OLFM3: variants seen among roughly 807,000 people sequenced by gnomAD.
OLFM3 encodes the protein noelin-3.
In OLFM3, 20 loss-of-function variants were observed where a neutral mutation model predicts 48.6. The observed-to-expected ratio is 0.41, with a 90% CI of 0.29 to 0.60. OLFM3 has a LOEUF of 0.60. OLFM3 is among the 20% of genes least tolerant of loss of function. The probability of loss-of-function intolerance (pLI) is 0.28; values close to 1 mark genes in which losing one functional copy is unlikely to be tolerated. For synonymous variants in OLFM3, 222 were observed against 198.1 expected (o/e 1.12, Z -1.01); for missense variants, 437 against 544.3 (o/e 0.80, Z 1.96).
At chr1:101,820,190 C>T (rs1654541488) in intron 4 of OLFM3, among the ~76,000 whole-genome samples, 1 of 152,052 alleles carries the variant, frequency 6.6e-6, no homozygotes, top group Admixed American at 6.6e-5. Flanking sequence ...ACTCAAGTCT[C>T]TACTTGTGAC....
chr1:101,840,501 C>A (rs193181029), intron 1 of OLFM3, among the ~76,000 whole-genome samples: 4 of 146,322 alleles, frequency 2.7e-5, no homozygotes, highest in Admixed American at 1.4e-4. Context: ...GACAGGTTCT[C>A]GCTCTGTTGT....
At chr1:101,856,803 T>G (rs1331774365) in intron 1 of OLFM3, among the ~76,000 whole-genome samples, 1 of 151,976 alleles carries the variant, frequency 6.6e-6, no homozygotes, top group Non-Finnish European at 1.5e-5. Flanking sequence ...GCCTTCTGAG[T>G]ATTTCATCAA....
At chr1:101,925,783 G>A (rs1351590753) in intron 1 of OLFM3, among the ~76,000 whole-genome samples, 1 of 151,844 alleles carries the variant, frequency 6.6e-6, no homozygotes, top group Non-Finnish European at 1.5e-5. Flanking sequence ...TCCTGTCTCA[G>A]CCCCACAAAG....
intron 1 of OLFM3, among the ~76,000 whole-genome samples, chr1:101,863,643 A>C (rs1656746214): frequency 6.6e-6 from 1 of 152,210 alleles, no homozygotes; most frequent in Admixed American, 6.5e-5. Flanking sequence ...TAAAAATATC[A>C]ATATATTTTC....
chr1:101,803,174 A>G lies in OLFM3; in HGVS notation c.*1064T>C, dbSNP rs1460733646. 6.6e-6 allele frequency: 1 copy of G among 152,056 alleles called. No homozygotes were observed. 9.4% of individuals were successfully genotyped at this position (152,056 alleles called of 1,614,324 possible). ...GACATTACAGAATTTTTTTTTTCTA[A>G]GAGTTTTCAAATGTGCTTATTTTCA... On this transcript the variant is annotated 3_prime_UTR_variant, in exon 6 of 6. Coordinates refer to ENST00000370103, the MANE Select transcript of OLFM3 (RefSeq NM_058170.4).
At chr1:101,867,369 A>G (rs2100971376) in intron 1 of OLFM3, among the ~76,000 whole-genome samples, 1 of 152,326 alleles carries the variant, frequency 6.6e-6, no homozygotes, top group East Asian at 1.9e-4. Context: ...CAGTGGTGTC[A>G]TGTTCTTAGT....
intron 1 of OLFM3, among the ~76,000 whole-genome samples, chr1:101,932,111 G>C (rs967932922): frequency 2.0e-5 from 3 of 152,066 alleles, no homozygotes; most frequent in Non-Finnish European, 4.4e-5. Context: ...ATACTGTAAG[G>C]CTTTATTTTT....
chr1:101,952,117 T>C (rs1460620688), intron 1 of OLFM3, among the ~76,000 whole-genome samples: 1 of 152,138 alleles, frequency 6.6e-6, no homozygotes, highest in Non-Finnish European at 1.5e-5. Flanking sequence ...CTGGCTTTGC[T>C]ATTTACCACC....
chr1:101,854,653 G>C (rs563123137), intron 1 of OLFM3, among the ~76,000 whole-genome samples: 5 of 152,086 alleles, frequency 3.3e-5, no homozygotes, highest in African/African-American at 9.6e-5. Flanking sequence ...ACCTTGCTTT[G>C]GGTCTTAGGT....
intron 1 of OLFM3, among the ~76,000 whole-genome samples, chr1:101,858,852 C>T (rs1482492605): frequency 1.3e-5 from 2 of 152,026 alleles, no homozygotes; most frequent in African/African-American, 4.8e-5. Context: ...TTATAAATTA[C>T]CCAGTCTCAG....
chr1:101,810,403 G>A (rs1194811246), intron 4 of OLFM3, among the ~76,000 whole-genome samples: 4 of 151,962 alleles, frequency 2.6e-5, no homozygotes, highest in African/African-American at 7.2e-5. Flanking sequence ...ACTGTTAAAT[G>A]TGGTTGAAAC....
chr1:101,950,769 A>G (rs368048568), intron 1 of OLFM3, among the ~76,000 whole-genome samples: 1 of 152,002 alleles, frequency 6.6e-6, no homozygotes, highest in Non-Finnish European at 1.5e-5. Context: ...AAAATTTACT[A>G]TCTCTGTCTA....
At chr1:101,846,848 G>A in intron 1 of OLFM3, 1 of 1,610,440 alleles carries the variant, frequency 6.2e-7, no homozygotes, top group Non-Finnish European at 8.5e-7. Context: ...AACTTACTAA[G>A]GTATCCGGAG....
chr1:101,836,867 C>G lies in OLFM3; in HGVS notation c.216+12G>C. ...TTACTAAAAATATGCATAGGGGACACAGGACACCTACCTTTTCCAGTAGTT... is the reference window on the plus strand; with the variant it reads ...TTACTAAAAATATGCATAGGGGACAGAGGACACCTACCTTTTCCAGTAGTT... On this transcript the variant is annotated intron_variant, in intron 2 of 5. Coordinates refer to ENST00000370103, the MANE Select transcript of OLFM3 (RefSeq NM_058170.4). The G allele has an allele frequency of 6.2e-7, 1 of 1,613,736 alleles. No individual in the cohort carries two copies. Among genetic ancestry groups the G allele is most frequent in the Middle Eastern group, 1.6e-4 (1 of 6,062 alleles).
intron 1 of OLFM3, among the ~76,000 whole-genome samples, chr1:101,955,619 T>G (rs1340966005): frequency 2.0e-5 from 3 of 151,902 alleles, no homozygotes; most frequent in Non-Finnish European, 4.4e-5. Context: ...TCTCTGGCAT[T>G]AGTGTTCAGT....
intron 3 of OLFM3, among the ~76,000 whole-genome samples, chr1:101,828,849 T>C (rs1655008956): frequency 6.6e-6 from 1 of 152,176 alleles, no homozygotes; most frequent in Non-Finnish European, 1.5e-5. Flanking sequence ...GACCTCAGCA[T>C]TGGGTTCCCA....
chr1:101,815,454 GA>G (rs71088110), intron 4 of OLFM3, among the ~76,000 whole-genome samples: 68,614 of 128,102 alleles, frequency 0.54, 16,656 homozygotes, highest in East Asian at 0.65. Flanking sequence ...CTCAAAAAAA[GA>G]AAAAAAAAAA....
intron 1 of OLFM3, among the ~76,000 whole-genome samples, chr1:101,958,379 A>G (rs567119491): frequency 6.6e-6 from 1 of 152,126 alleles, no homozygotes; most frequent in East Asian, 1.9e-4. Flanking sequence ...GGTATGACTG[A>G]TGTTATTGAT....
At chr1:101,966,518 C>G (rs6577294) in intron 1 of OLFM3, among the ~76,000 whole-genome samples, 85,768 of 151,968 alleles carry the variant, frequency 0.56, 24,603 homozygotes, top group East Asian at 0.73. Flanking sequence ...GTTCTTTGTT[C>G]GAATTTGCCA....
Sources: gnomAD v4.1 joint callset for allele counts (sites outside exome capture counted in the v4.1 genomes callset) on GRCh38, gnomAD v4.1.1 for gene constraint, MANE v1.5 for transcripts, NCBI Gene and HGNC (gene_info 2026-07-23, HGNC 2026-07-21) for gene names.